Variants in GPR158 observed in about 807,000 individuals in gnomAD.
GPR158 encodes metabotropic glycine receptor.
GPR158 carries 30 observed loss-of-function variants against 78.2 expected under a neutral mutation model. That is an observed-to-expected ratio of 0.38 (90% CI 0.29 to 0.52). The LOEUF (loss-of-function observed/expected upper bound fraction) is 0.52. GPR158 is among the 20% of genes least tolerant of loss of function. The probability of loss-of-function intolerance (pLI) is 0.83; values close to 1 mark genes in which losing one functional copy is unlikely to be tolerated. For missense variants in GPR158, 1,463 were observed against 1,523.5 expected, an observed-to-expected ratio of 0.96 and a Z score of 0.66; for synonymous variants, 581 against 591.1, an observed-to-expected ratio of 0.98 and a Z score of 0.25.
intron 2 of GPR158, among the ~76,000 whole-genome samples, chr10:25,279,561 A>G (rs968362164): frequency 6.6e-6 from 1 of 152,182 alleles, no homozygotes; most frequent in African/African-American, 2.4e-5. Flanking sequence ...AAATAAAGAC[A>G]GTTATTTAAA....
chr10:25,175,210 C>G lies in GPR158; in HGVS notation c.-211C>G. On this transcript the variant is annotated 5_prime_UTR_variant, in exon 1 of 11. Transcript: ENST00000376351. The surrounding 1 kb of genome is among the most constrained non-coding windows in gnomAD (Gnocchi z 6.4). ...CCCCTCGCGCAGCGGGCACGGCCAGCGCTGCCACAGGTGACTTGATTTCTG... is the reference window on the plus strand; with the variant it reads ...CCCCTCGCGCAGCGGGCACGGCCAGGGCTGCCACAGGTGACTTGATTTCTG... The G allele has an allele frequency of 2.0e-6, 1 of 497,386 alleles. No homozygotes were observed. The allele number at this position is 497,386 out of a possible 1,614,324, so 30.8% of individuals were successfully genotyped here.
At chr10:25,517,478 T>G (rs1249941957) in intron 5 of GPR158, among the ~76,000 whole-genome samples, 1 of 152,156 alleles carries the variant, frequency 6.6e-6, no homozygotes, top group Non-Finnish European at 1.5e-5. Flanking sequence ...TTCCAGTTTT[T>G]GCCCATTCAG....
chr10:25,360,427 A>G (rs1181330254), intron 2 of GPR158, among the ~76,000 whole-genome samples: 1 of 152,076 alleles, frequency 6.6e-6, no homozygotes, highest in African/African-American at 2.4e-5. Flanking sequence ...TATTTTTTGT[A>G]TAAGGTGTAA....
At chr10:25,511,428 A>G (rs1192320890) in intron 5 of GPR158, among the ~76,000 whole-genome samples, 1 of 152,110 alleles carries the variant, frequency 6.6e-6, no homozygotes, top group African/African-American at 2.4e-5. Context: ...TTTGTTGTAG[A>G]TTCCGGATAT....
intron 2 of GPR158, among the ~76,000 whole-genome samples, chr10:25,227,983 AT>A (rs1275396195): frequency 1.3e-5 from 2 of 152,164 alleles, no homozygotes; most frequent in African/African-American, 4.8e-5. Flanking sequence ...ATGTTTATAA[AT>A]TTTTTGACAA....
At chr10:25,490,372 ATGCTGG>A (rs982332463) in intron 5 of GPR158, among the ~76,000 whole-genome samples, 3 of 146,556 alleles carry the variant, frequency 2.0e-5, no homozygotes, top group African/African-American at 7.7e-5. Context: ...TACATGTGCC[ATGCTGG>A]TGCGCTGCAC....
intron 7 of GPR158, 144 bp from the exon 8 acceptor site, chr10:25,588,863 G>C (rs1286512193): frequency 4.4e-6 from 2 of 451,620 alleles, no homozygotes; most frequent in Non-Finnish European, 7.8e-6. Context: ...AAAATATATG[G>C]CATTTGTATT....
Position 25,598,302 on chromosome 10 carries a change from G to A in GPR158, c.2676G>A (p.Gly892=), listed in dbSNP as rs768454945. 6 of 1,613,920 alleles carry A rather than the reference G, an allele frequency of 3.7e-6. No individual in the cohort carries two copies. Among genetic ancestry groups the A allele is most frequent in the Non-Finnish European group, 4.2e-6 (5 of 1,180,010 alleles). Residue 892 remains glycine, a synonymous_variant, in exon 11 of 11, where the codon GGG becomes GGA. Transcript: ENST00000376351. ...ACCTCAGCTCAGAGAAGAAAACTGG[G>A]CACCCACGAACATCGATGTTACAGA... The part of the protein sequence containing the change: ...AHNLSSEKKT[G]HPRTSMLQKS...
chr10:25,557,109 G>A (rs1836796082), intron 6 of GPR158, among the ~76,000 whole-genome samples: 1 of 152,236 alleles, frequency 6.6e-6, no homozygotes, highest in African/African-American at 2.4e-5. Flanking sequence ...AAGCACTAGT[G>A]TGGAATGCAC....
chr10:25,515,418 T>C (rs1352669449), intron 5 of GPR158, among the ~76,000 whole-genome samples: 2 of 151,154 alleles, frequency 1.3e-5, no homozygotes, highest in Non-Finnish European at 3.0e-5. Flanking sequence ...GTGCACATTG[T>C]GCAGGTTAGT....
chr10:25,480,192 A>G (rs1037725216), intron 5 of GPR158, among the ~76,000 whole-genome samples: 1 of 152,004 alleles, frequency 6.6e-6, no homozygotes, highest in Non-Finnish European at 1.5e-5. Flanking sequence ...TTGAATCTTT[A>G]TCTGTTTTAT....
rs562394686 is a variant in GPR158, at chr10:25,277,331, A to G, written c.1008+56174A>G. ...TTCAGATAAAGTTATAATGAGTAGG[A>G]TAGCACTATGAGCTCCTATAGGAAA... On this transcript the variant is annotated intron_variant, in intron 2 of 10. Coordinates refer to ENST00000376351, the MANE Select transcript of GPR158 (RefSeq NM_020752.3). Among the ~76,000 whole-genome samples, 3 of 152,342 alleles carry G rather than the reference A, an allele frequency of 2.0e-5. No individual in the cohort carries two copies. In the South Asian group the frequency reaches 6.2e-4, roughly 32 times the overall value.
chr10:25,437,999 C>T (rs989210905), intron 4 of GPR158, among the ~76,000 whole-genome samples: 5 of 152,138 alleles, frequency 3.3e-5, no homozygotes, highest in African/African-American at 1.2e-4. Flanking sequence ...GTGTAACAGA[C>T]GGGAATAGGG....
intron 5 of GPR158, among the ~76,000 whole-genome samples, chr10:25,546,477 C>G (rs1417857841): frequency 6.6e-6 from 1 of 151,962 alleles, no homozygotes; most frequent in East Asian, 1.9e-4. Context: ...ACTATATTCC[C>G]TTTTGCCTCA....
chr10:25,379,586 T>C (rs1460780353), intron 2 of GPR158, among the ~76,000 whole-genome samples: 1 of 152,100 alleles, frequency 6.6e-6, no homozygotes, highest in Admixed American at 6.5e-5. Context: ...AGCTTCTGCT[T>C]AGTTTCTTAG....
intron 1 of GPR158, among the ~76,000 whole-genome samples, chr10:25,209,066 G>A (rs2791328): frequency 0.08 from 12,156 of 151,960 alleles, 707 homozygotes; most frequent in East Asian, 0.24. Context: ...ATATTGGCCA[G>A]GCTAGTCTTG....
intron 3 of GPR158, among the ~76,000 whole-genome samples, chr10:25,411,225 A>G (rs552329121): frequency 6.6e-6 from 1 of 152,282 alleles, no homozygotes; most frequent in African/African-American, 2.4e-5. Context: ...CTGAGACAGA[A>G]GAACCTAAAA....
chr10:25,418,046 A>G (rs1353626850), intron 4 of GPR158, among the ~76,000 whole-genome samples: 1 of 152,216 alleles, frequency 6.6e-6, no homozygotes, highest in Non-Finnish European at 1.5e-5. Flanking sequence ...GAAAACCAAT[A>G]ACAATGTCAA....
At chr10:25,411,227 A>G (rs549484393) in intron 3 of GPR158, among the ~76,000 whole-genome samples, 2 of 152,182 alleles carry the variant, frequency 1.3e-5, no homozygotes, top group Non-Finnish European at 2.9e-5. Context: ...GAGACAGAAG[A>G]ACCTAAAATT....
Sources: gnomAD v4.1 joint callset for allele counts (sites outside exome capture counted in the v4.1 genomes callset) on GRCh38, gnomAD v4.1.1 for gene constraint, Gnocchi (gnomAD v3.1) non-coding constraint, MANE v1.5 for transcripts, NCBI Gene and HGNC (gene_info 2026-07-23, HGNC 2026-07-21) for gene names.